TUBGCP4: variants seen among roughly 807,000 people sequenced by gnomAD.
TUBGCP4 encodes gamma-tubulin complex component 4.
TUBGCP4 carries 54 observed loss-of-function variants against 91.6 expected under a neutral mutation model. That is an observed-to-expected ratio of 0.59 (90% confidence interval 0.47 to 0.74). The LOEUF (loss-of-function observed/expected upper bound fraction) is 0.74. Ranked by LOEUF, TUBGCP4 falls within the 30% of genes least tolerant of loss-of-function variation. The probability of loss-of-function intolerance (pLI) is 0.00; values close to 1 mark genes in which losing one functional copy is unlikely to be tolerated. For synonymous variants in TUBGCP4, 297 were observed against 302.8 expected, an observed-to-expected ratio of 0.98 and a Z score of 0.20; for missense variants, 593 against 800.9, an observed-to-expected ratio of 0.74 and a Z score of 3.13.
chr15:43,405,741 C>T lies in TUBGCP4; in HGVS notation c.*527C>T. On this transcript the variant is annotated 3_prime_UTR_variant, in exon 18 of 18. Transcript: ENST00000564079. ...GGCAATTCTAGCTAATGAAAATATA[C>T]TTAAAAGTATTTCTTAGGCCGGGCA... 1 of 152,880 alleles carries T rather than the reference C, an allele frequency of 6.5e-6. No homozygotes were observed. Among genetic ancestry groups the T allele is most frequent in the South Asian group, 2.1e-4 (1 of 4,838 alleles). The allele number at this position is 152,880 out of a possible 1,614,324, so 9.5% of individuals were successfully genotyped here. A position where few individuals can be genotyped will look rare whatever the true frequency, so the allele number is the denominator to read the frequency against.
At position 43,380,016 on chromosome 15, in the gene TUBGCP4, G is replaced by A. The variant is rs1416900676; in HGVS notation, c.442-68G>A. 26 of 1,478,262 alleles carry A rather than the reference G, an allele frequency of 1.8e-5. No individual in the cohort carries two copies. The Admixed American group carries it at 4.4e-4, about 25-fold the overall frequency. The allele number at this position is 1,478,262 out of a possible 1,614,324, so 91.6% of individuals were successfully genotyped here. On this transcript the variant is annotated intron_variant, in intron 5 of 17. Coordinates refer to ENST00000564079, the MANE Select transcript of TUBGCP4 (RefSeq NM_014444.5). The stretch of plus-strand genomic sequence containing the variant: ...GATTGTGCCCTCTTGGTTGAATATG[G>A]AATAAGAATGTGTCTTGCATGGACT...
chr15:43,397,273 C>T lies in TUBGCP4; in HGVS notation c.1231C>T (p.Leu411Phe), dbSNP rs1482733148. 1.9e-6 allele frequency: 3 copies of T among 1,614,186 alleles called. No individual in the cohort carries two copies. The Middle Eastern group carries it at 4.9e-4, about 266-fold the overall frequency. ...HKVLLDDDNL[L>F]PLLHLTIEYH... Reference sequence around the variant, plus strand: ...GGTATTGCTAGATGATGACAACCTTCTCCCTCTGTTGCACTTGACAATCGA... The same window carrying T: ...GGTATTGCTAGATGATGACAACCTTTTCCCTCTGTTGCACTTGACAATCGA... The change falls in exon 12 of 18, where the codon CTC becomes TTC. Residue 411 changes from leucine to phenylalanine, a missense_variant. Transcript: ENST00000564079.
chr15:43,401,130 C>T (rs2467733), intron 14 of TUBGCP4, among the ~76,000 whole-genome samples: 7 of 151,904 alleles, frequency 4.6e-5, no homozygotes, highest in East Asian at 3.9e-4. Flanking sequence ...AGTCAGTAGA[C>T]GGAATGTGGC....
In TUBGCP4 at chr15:43,409,589, A is replaced by C. The variant is rs1357920586; in HGVS notation, c.*4375A>C. Reference sequence around the variant, plus strand: ...AACCCCTCCCAGGCCTCTTCTCAACACAGCAAGTTGGCTCTTATCATTGCC... The same window carrying C: ...AACCCCTCCCAGGCCTCTTCTCAACCCAGCAAGTTGGCTCTTATCATTGCC... On this transcript the variant is annotated 3_prime_UTR_variant, in exon 18 of 18. Transcript: ENST00000564079. The C allele has an allele frequency of 1.0e-6, 1 of 979,628 alleles. No individual in the cohort carries two copies. The highest frequency in any genetic ancestry group is 1.7e-5 in the African/African-American group (1 of 60,034). The allele number at this position is 979,628 out of a possible 1,614,324, so 60.7% of individuals were successfully genotyped here. A position where few individuals can be genotyped will look rare whatever the true frequency, so the allele number is the denominator to read the frequency against.
chr15:43,374,435 T>TC (rs1260600258), intron 1 of TUBGCP4, among the ~76,000 whole-genome samples: 2 of 151,948 alleles, frequency 1.3e-5, no homozygotes, highest in Non-Finnish European at 1.5e-5. Flanking sequence ...AGAGCAAGAC[T>TC]CCATCTCTAC....
rs1011988440 is a variant in TUBGCP4, at chr15:43,409,185, C to G, written c.*3971C>G. Reference sequence around the variant, plus strand: ...CCATAATGAGCCATGAAGAGCAGATCTGAAGACTCCCAACTACTACCCAAA... The same window carrying G: ...CCATAATGAGCCATGAAGAGCAGATGTGAAGACTCCCAACTACTACCCAAA... On this transcript the variant is annotated 3_prime_UTR_variant, in exon 18 of 18. Transcript: ENST00000564079. 2.6e-5 allele frequency: 32 copies of G among 1,230,572 alleles called. No individual in the cohort carries two copies. Among genetic ancestry groups the G allele is most frequent in the Middle Eastern group, 2.1e-4 (1 of 4,660 alleles). 76.2% of individuals were successfully genotyped at this position (1,230,572 alleles called of 1,614,324 possible). A position where few individuals can be genotyped will look rare whatever the true frequency, so the allele number is the denominator to read the frequency against.
At chr15:43,389,854 A>G (rs2044437828) in intron 9 of TUBGCP4, among the ~76,000 whole-genome samples, 1 of 152,104 alleles carries the variant, frequency 6.6e-6, no homozygotes, top group Admixed American at 6.5e-5. Flanking sequence ...GCAGCAGGCA[A>G]GAGAGCTTCT....
At chr15:43,382,920 A>G (rs1389283016) in intron 6 of TUBGCP4, among the ~76,000 whole-genome samples, 1 of 152,236 alleles carries the variant, frequency 6.6e-6, no homozygotes, top group Non-Finnish European at 1.5e-5. Context: ...AACAAAAATA[A>G]AACAAATTTA....
chr15:43,391,660 A>G (rs1343185921), intron 9 of TUBGCP4: 1 of 152,252 alleles, frequency 6.6e-6, no homozygotes, highest in Non-Finnish European at 1.5e-5. Context: ...CCTAGACTCA[A>G]GTGAAACTTC....
At position 43,400,052 on chromosome 15, in the gene TUBGCP4, TTG is replaced by T; in HGVS notation, c.1429_1430del (p.Val477PhefsTer2). 6.2e-7 allele frequency: 1 copy of T among 1,611,084 alleles called. No individual in the cohort carries two copies. Among genetic ancestry groups the T allele is most frequent in the Admixed American group, 1.7e-5 (1 of 59,942 alleles). On this transcript the variant is annotated frameshift_variant, in exon 14 of 18. Coordinates refer to ENST00000564079, the MANE Select transcript of TUBGCP4 (RefSeq NM_014444.5). LOFTEE classifies it high-confidence loss of function. ...TGTTATTTCTGTCCTAGGTACAATGTTGTTTTTAAGTACTTACTGAGTGTGCG... is the reference window on the plus strand; with the variant it reads ...TGTTATTTCTGTCCTAGGTACAATGTTTTTTAAGTACTTACTGAGTGTGCG...
Position 43,376,119 on chromosome 15 carries a change from C to G in TUBGCP4, c.100C>G (p.Leu34Val). 1 of 1,614,116 alleles carries G rather than the reference C, an allele frequency of 6.2e-7. No homozygotes were observed. The highest frequency in any genetic ancestry group is 8.5e-7 in the Non-Finnish European group (1 of 1,179,972). Residue 34 changes from leucine (L) to valine (V), a missense_variant, in exon 2 of 18, where the codon CTC becomes GTC. Leu to Val is a conservative substitution (Grantham distance 32). Transcript: ENST00000564079. Reference sequence around the variant, plus strand: ...GCAGGTATCGCAGGACTTCCCTTTCCTCCACCCCAGTGAGACCAGTGTCCT... The same window carrying G: ...GCAGGTATCGCAGGACTTCCCTTTCGTCCACCCCAGTGAGACCAGTGTCCT... ...GLQVSQDFPFLHPSETSVLNR... is the reference protein window; with the variant it reads ...GLQVSQDFPFVHPSETSVLNR...
At chr15:43,399,613 C>T (rs564426183) in intron 13 of TUBGCP4, among the ~76,000 whole-genome samples, 2 of 152,172 alleles carry the variant, frequency 1.3e-5, no homozygotes, top group East Asian at 1.9e-4. Flanking sequence ...CCCAAAGTGC[C>T]GGGATTATAG....
intron 15 of TUBGCP4, 77 bp from the exon 16 acceptor site, chr15:43,403,606 A>C: frequency 9.3e-7 from 1 of 1,070,872 alleles, no homozygotes; most frequent in Admixed American, 1.9e-5. Flanking sequence ...GCTATTAATC[A>C]GACTGTTCTC....
At position 43,377,923 on chromosome 15, in the gene TUBGCP4, C is replaced by A. The variant is rs763267776; in HGVS notation, c.441+20C>A. ...CAAAAGGTGAGAACTTTCCTTATTC[C>A]TTTTGCTTTGCTAAGCACTGAGGGA... On this transcript the variant is annotated intron_variant, in intron 5 of 17. Transcript: ENST00000564079. 8.2e-6 allele frequency: 13 copies of A among 1,578,652 alleles called. No homozygotes were observed. The African/African-American group carries it at 1.5e-4, about 18-fold the overall frequency.
chr15:43,389,667 T>G (rs1272260113), intron 9 of TUBGCP4, among the ~76,000 whole-genome samples: 2 of 152,206 alleles, frequency 1.3e-5, no homozygotes, highest in Non-Finnish European at 2.9e-5. Context: ...TGATTGGATG[T>G]TTTACATCTG....
At chr15:43,404,138 G>A in intron 16 of TUBGCP4, 1 of 512,860 alleles carries the variant, frequency 1.9e-6, no homozygotes, top group Non-Finnish European at 3.5e-6. Flanking sequence ...ATCAAAACGG[G>A]TTCTCCCCAA....
chr15:43,387,663 T>C (rs1230937438), intron 9 of TUBGCP4, among the ~76,000 whole-genome samples: 2 of 152,012 alleles, frequency 1.3e-5, no homozygotes, highest in Admixed American at 6.5e-5. Context: ...GGTTTCACCA[T>C]GTTGGCCAGG....
At chr15:43,385,040 G>A (rs1423901570) in intron 7 of TUBGCP4, among the ~76,000 whole-genome samples, 1 of 152,222 alleles carries the variant, frequency 6.6e-6, no homozygotes, top group Non-Finnish European at 1.5e-5. Context: ...GCCTTCAGCA[G>A]CTGGGCAAGT....
rs548222958 is a variant in TUBGCP4 at position 43,374,200 on chromosome 15, G to T, written c.79-1898G>T. On this transcript the variant is annotated intron_variant, in intron 1 of 17. Coordinates refer to ENST00000564079, the MANE Select transcript of TUBGCP4 (RefSeq NM_014444.5). ...GCTAAGTTCCTTTGGAGCAGTAATTGTATCTGATTTTGTTCACTCTTTTAT... is the reference window on the plus strand; with the variant it reads ...GCTAAGTTCCTTTGGAGCAGTAATTTTATCTGATTTTGTTCACTCTTTTAT... Among the ~76,000 whole-genome samples the T allele has an allele frequency of 4.6e-5, 7 of 152,234 alleles. No individual in the cohort carries two copies. The South Asian group carries it at 1.5e-3, about 32-fold the overall frequency.
Sources: allele counts gnomAD v4.1 joint callset (sites outside exome capture counted in the v4.1 genomes callset), GRCh38; gene constraint gnomAD v4.1.1; transcripts MANE v1.5; gene names NCBI Gene and HGNC (gene_info 2026-07-23, HGNC 2026-07-21).